SLC7A1: variants seen among roughly 807,000 people sequenced by gnomAD.
The protein encoded by SLC7A1 is high affinity cationic amino acid transporter 1.
In SLC7A1, 10 loss-of-function variants were observed where a neutral mutation model predicts 53.9. That is an observed-to-expected ratio of 0.19 (90% CI 0.11 to 0.31). The LOEUF (loss-of-function observed/expected upper bound fraction) is 0.31, where lower values mean the gene tolerates loss of function less well. SLC7A1 is among the 10% of genes least tolerant of loss of function. SLC7A1 has a pLI of 1.00. For missense variants in SLC7A1, 525 were observed against 827.2 expected, an observed-to-expected ratio of 0.63 and a Z score of 4.48; for synonymous variants, 342 against 338.7, an observed-to-expected ratio of 1.01 and a Z score of -0.11.
At chr13:29,582,797 TATTAC>T (rs1390849856) in intron 1 of SLC7A1, among the ~76,000 whole-genome samples, 7 of 152,230 alleles carry the variant, frequency 4.6e-5, no homozygotes, top group Non-Finnish European at 7.3e-5. Flanking sequence ...TGAAAGGCAC[TATTAC>T]ATTATGCCAA....
At chr13:29,579,363 ATT>A (rs34087661) in intron 1 of SLC7A1, among the ~76,000 whole-genome samples, 32 of 144,032 alleles carry the variant, frequency 2.2e-4, no homozygotes, top group East Asian at 8.1e-4. Context: ...TCCACTAGCA[ATT>A]TTTTTTTTTT....
At position 29,530,155 on chromosome 13, in the gene SLC7A1, C is replaced by T. The variant is rs183109111; in HGVS notation, c.704+383G>A. ...GTATTTAAAGGTGAAGTGAGGTCAC[C>T]ACGGCACTGCAGAGAAAAATCTTTT... On this transcript the variant is annotated intron_variant, in intron 5 of 12. Transcript: ENST00000380752. Among the ~76,000 whole-genome samples the T allele has an allele frequency of 8.9e-4, 135 of 152,244 alleles. 1 individual carries two copies. The highest frequency in any genetic ancestry group is 1.2e-3 in the Non-Finnish European group (84 of 68,018).
chr13:29,530,736 A>C (rs1302645040), intron 4 of SLC7A1, 24 bp from the exon 5 acceptor site: 16 of 1,606,578 alleles, frequency 1.0e-5, no homozygotes, highest in Non-Finnish European at 1.3e-5. Flanking sequence ...TAGACACAAA[A>C]CTTTGTCTGA....
At chr13:29,585,802 A>G (rs1871855960) in intron 1 of SLC7A1, among the ~76,000 whole-genome samples, 2 of 152,238 alleles carry the variant, frequency 1.3e-5, no homozygotes, top group African/African-American at 4.8e-5. Context: ...CTCCCTGAAC[A>G]AGACCACTGA....
intron 1 of SLC7A1, among the ~76,000 whole-genome samples, chr13:29,569,739 G>A (rs1371395567): frequency 1.3e-5 from 2 of 152,162 alleles, no homozygotes; most frequent in Admixed American, 6.5e-5. Flanking sequence ...CAGCTGGTAT[G>A]CAGCAGACAC....
At position 29,556,695 on chromosome 13, in the gene SLC7A1, A is replaced by G. The variant is rs75130240; in HGVS notation, c.-114-2835T>C. On this transcript the variant is annotated intron_variant, in intron 1 of 12. Transcript: ENST00000380752. Reference sequence around the variant, plus strand: ...CACCCGGCCAAAATTTTAATTTCCAATTCATAAGTATTGATAGACACAACC... The same window carrying G: ...CACCCGGCCAAAATTTTAATTTCCAGTTCATAAGTATTGATAGACACAACC... 8.3e-3 allele frequency among the ~76,000 whole-genome samples: 1,267 copies of G among 152,286 alleles called. 14 individuals carry two copies. The highest frequency in any genetic ancestry group is 0.028 in the African/African-American group (1,178 of 41,562).
intron 3 of SLC7A1, 64 bp downstream of exon 3, chr13:29,535,755 C>T: frequency 6.5e-7 from 1 of 1,545,716 alleles, no homozygotes; most frequent in Non-Finnish European, 8.8e-7. Context: ...TCCACCCACA[C>T]TTTGGAGGTG....
Position 29,517,202 on chromosome 13 carries a change from G to A in SLC7A1, c.1619C>T (p.Ala540Val), listed in dbSNP as rs775116966. 4.3e-6 allele frequency: 7 copies of A among 1,613,162 alleles called. No individual in the cohort carries two copies. Among genetic ancestry groups the A allele is most frequent in the African/African-American group, 1.3e-5 (1 of 75,038 alleles). Reference protein sequence around the residue: ...FLLAGSALLCAVVTGVIWRQP... With the variant: ...FLLAGSALLCVVVTGVIWRQP... ...CCTCCAGATGACGCCCGTGACCACG[G>A]CACAGAGGAGGGCAGACCCTGCGAG... Residue 540 changes from alanine to valine, a missense_variant, in exon 11 of 13, where the codon GCC (alanine) becomes GTC (valine). By Grantham distance (64) the Ala-to-Val change is moderately conservative. Coordinates refer to ENST00000380752, the MANE Select transcript of SLC7A1 (RefSeq NM_003045.5).
chr13:29,560,171 A>T (rs367769391), intron 1 of SLC7A1, among the ~76,000 whole-genome samples: 16 of 152,110 alleles, frequency 1.1e-4, no homozygotes, highest in East Asian at 5.8e-4. Flanking sequence ...TTTCTTAAAA[A>T]CCAAGATGCA....
chr13:29,566,537 C>T (rs1034056179), intron 1 of SLC7A1, among the ~76,000 whole-genome samples: 5 of 152,306 alleles, frequency 3.3e-5, no homozygotes, highest in Admixed American at 6.5e-5. Flanking sequence ...GGGTCACATT[C>T]CGTGTCATGC....
At chr13:29,544,356 T>C (rs1446990534) in intron 2 of SLC7A1, among the ~76,000 whole-genome samples, 3 of 152,250 alleles carry the variant, frequency 2.0e-5, no homozygotes, top group Non-Finnish European at 4.4e-5. Flanking sequence ...CATCATTTGC[T>C]GTGTAGTCTA....
At chr13:29,542,049 A>T (rs1020149237) in intron 2 of SLC7A1, among the ~76,000 whole-genome samples, 7 of 151,346 alleles carry the variant, frequency 4.6e-5, no homozygotes, top group Admixed American at 1.3e-4. Flanking sequence ...TTTTTATCAT[A>T]AAAAAAAACA....
At chr13:29,581,606 C>T (rs1871649599) in intron 1 of SLC7A1, among the ~76,000 whole-genome samples, 2 of 152,232 alleles carry the variant, frequency 1.3e-5, no homozygotes, top group Admixed American at 1.3e-4. Context: ...CATGCGCTGT[C>T]CCCTCTAAGT....
chr13:29,543,603 T>C (rs10454590), intron 2 of SLC7A1, among the ~76,000 whole-genome samples: 14,109 of 150,258 alleles, frequency 0.094, 702 homozygotes, highest in Middle Eastern at 0.15. Context: ...CAACATTACA[T>C]GGAGAGGGGT....
chr13:29,531,790 C>G (rs894762957), intron 4 of SLC7A1, among the ~76,000 whole-genome samples: 1 of 151,998 alleles, frequency 6.6e-6, no homozygotes, highest in Non-Finnish European at 1.5e-5. Context: ...GCCAAGATCG[C>G]GCAACTGCAC....
intron 2 of SLC7A1, among the ~76,000 whole-genome samples, chr13:29,540,065 C>T (rs985443601): frequency 2.0e-5 from 3 of 152,148 alleles, no homozygotes; most frequent in Non-Finnish European, 4.4e-5. Flanking sequence ...ACATTCATGC[C>T]AGGACTCCAA....
At chr13:29,522,803 T>C (rs1329016907) in intron 7 of SLC7A1, among the ~76,000 whole-genome samples, 1 of 152,244 alleles carries the variant, frequency 6.6e-6, no homozygotes, top group African/African-American at 2.4e-5. Flanking sequence ...ACTGCATTCA[T>C]GAAGATTTCC....
chr13:29,522,553 G>A, intron 7 of SLC7A1, 97 bp from the exon 8 acceptor site: 1 of 1,375,404 alleles, frequency 7.3e-7, no homozygotes, highest in Non-Finnish European at 1.0e-6. Context: ...AGGAGAGGGA[G>A]TCTGAGCTCA....
At chr13:29,530,839 G>A (rs1054500924) in intron 4 of SLC7A1, 127 bp from the exon 5 acceptor site, 5 of 675,098 alleles carry the variant, frequency 7.4e-6, no homozygotes, top group Admixed American at 2.7e-5. Context: ...GCAGACCTCT[G>A]TGAGCCTCTG....
Sources: gnomAD v4.1 joint callset for allele counts (sites outside exome capture counted in the v4.1 genomes callset) on GRCh38, gnomAD v4.1.1 for gene constraint, MANE v1.5 for transcripts, NCBI Gene and HGNC (gene_info 2026-07-23, HGNC 2026-07-21) for gene names.